SHC3: variants seen among roughly 807,000 people sequenced by gnomAD.
SHC3 encodes SHC adaptor protein 3.
Under a neutral mutation model 60.4 loss-of-function variants are expected in SHC3, and 15 were observed. The observed-to-expected ratio is 0.25, with a 90% CI of 0.17 to 0.38. SHC3 has a LOEUF of 0.38. Ranked by LOEUF, SHC3 falls within the 10% of genes least tolerant of loss-of-function variation. The pLI is 1.00. For missense variants in SHC3, 677 were observed against 786.1 expected, an observed-to-expected ratio of 0.86 and a Z score of 1.66; for synonymous variants, 294 against 325.9, an observed-to-expected ratio of 0.90 and a Z score of 1.05.
chr9:89,092,499 C>A (rs1031134189), intron 2 of SHC3, among the ~76,000 whole-genome samples: 1 of 151,670 alleles, frequency 6.6e-6, no homozygotes, highest in Admixed American at 6.6e-5. Context: ...CACCTGTAGT[C>A]CCAGCTACTC....
At chr9:89,172,992 T>A (rs372658598) in intron 1 of SHC3, among the ~76,000 whole-genome samples, 1 of 152,152 alleles carries the variant, frequency 6.6e-6, no homozygotes, top group South Asian at 2.1e-4. Flanking sequence ...CCTGGGCCCG[T>A]CTCTTCCAAT....
At chr9:89,068,636 T>C (rs990492537) in intron 5 of SHC3, among the ~76,000 whole-genome samples, 1 of 152,092 alleles carries the variant, frequency 6.6e-6, no homozygotes, top group African/African-American at 2.4e-5. Context: ...TGTGGATTAC[T>C]TTAAGGATTA....
At chr9:89,103,958 A>G (rs1825819060) in intron 2 of SHC3, among the ~76,000 whole-genome samples, 1 of 152,178 alleles carries the variant, frequency 6.6e-6, no homozygotes. Context: ...ACTCAGAGGA[A>G]AAGACAGAAA....
chr9:89,062,202 T>C (rs557349584), intron 6 of SHC3, among the ~76,000 whole-genome samples: 46 of 152,322 alleles, frequency 3.0e-4, no homozygotes, highest in African/African-American at 1.1e-3. Flanking sequence ...CACCCGGTAG[T>C]AATGAAAGTT....
chr9:89,113,023 C>T (rs868323219), intron 1 of SHC3, among the ~76,000 whole-genome samples: 9 of 151,948 alleles, frequency 5.9e-5, no homozygotes, highest in Admixed American at 4.6e-4. Context: ...TAGTCTTTTA[C>T]GAGGCTTCTA....
intron 11 of SHC3, among the ~76,000 whole-genome samples, chr9:89,031,251 A>G (rs909591534): frequency 6.6e-6 from 1 of 152,234 alleles, no homozygotes; most frequent in Non-Finnish European, 1.5e-5. Flanking sequence ...GATATAATCT[A>G]GACACCACAT....
intron 1 of SHC3, among the ~76,000 whole-genome samples, chr9:89,137,963 T>C (rs1183343825): frequency 6.6e-6 from 1 of 152,212 alleles, no homozygotes; most frequent in Non-Finnish European, 1.5e-5. Flanking sequence ...TCTGCAACTA[T>C]GAGTCTGTGC....
intron 1 of SHC3, among the ~76,000 whole-genome samples, chr9:89,132,208 T>C (rs1243169727): frequency 6.6e-6 from 1 of 152,176 alleles, no homozygotes; most frequent in Non-Finnish European, 1.5e-5. Context: ...ACAAGGTATG[T>C]GAAGGACCTC....
chr9:89,097,309 A>C (rs1587725200), intron 2 of SHC3, among the ~76,000 whole-genome samples: 4 of 152,324 alleles, frequency 2.6e-5, no homozygotes, highest in African/African-American at 9.6e-5. Flanking sequence ...TTCAAAAGGA[A>C]CTATAAGTTC....
intron 11 of SHC3, among the ~76,000 whole-genome samples, chr9:89,018,219 T>G (rs1277190993): frequency 1.3e-5 from 2 of 152,208 alleles, no homozygotes; most frequent in Non-Finnish European, 2.9e-5. Context: ...CTGTTCACAT[T>G]AGCAAAGACT....
At chr9:89,028,599 G>GTA (rs1240737964) in intron 11 of SHC3, among the ~76,000 whole-genome samples, 2 of 138,360 alleles carry the variant, frequency 1.4e-5, no homozygotes, top group South Asian at 2.2e-4. Flanking sequence ...ATGTTTATGT[G>GTA]TATATATATG....
At chr9:89,131,375 A>G (rs1160148654) in intron 1 of SHC3, among the ~76,000 whole-genome samples, 1 of 152,222 alleles carries the variant, frequency 6.6e-6, no homozygotes, top group Non-Finnish European at 1.5e-5. Context: ...TCCAATCAAT[A>G]GAAAAAGAGA....
rs149287671 is a variant in SHC3 at position 89,076,234 on chromosome 9, G to A, written c.610-1006C>T. 1.2e-4 allele frequency among the ~76,000 whole-genome samples: 19 copies of A among 152,184 alleles called. 1 individual carries two copies. In the East Asian group the frequency reaches 3.3e-3, roughly 26 times the overall value. On this transcript the variant is annotated intron_variant, in intron 3 of 11. Coordinates refer to ENST00000375835, the MANE Select transcript of SHC3 (RefSeq NM_016848.6). ...TAGTGGAGACTCTGGAGCCTTACTT[G>A]GTTCCCCATGGACTGGCCAGAACAT...
rs76000904 is a variant in SHC3, at chr9:89,126,758, T to C, written c.475-14132A>G. Among the ~76,000 whole-genome samples the C allele has an allele frequency of 3.8e-3, 575 of 152,302 alleles. 6 individuals are homozygous for C. The highest frequency in any genetic ancestry group is 0.013 in the African/African-American group (557 of 41,564). On this transcript the variant is annotated intron_variant, in intron 1 of 11. Coordinates refer to ENST00000375835, the MANE Select transcript of SHC3 (RefSeq NM_016848.6). ...GTTTATCTCTTCTGTAAAGTTTTGA[T>C]TCATTGGAAAAAGGATTTGCAAGGC... is the stretch of plus-strand genomic sequence containing the variant.
Position 89,065,594 on chromosome 9 carries a change from A to T in SHC3, c.784-14T>A. ...GTCAGTTGTGTCCTGTTAAAGAAAA[A>T]AGAGATGTCTATGTCACTAATCACA... On this transcript the variant is annotated splice_polypyrimidine_tract_variant and intron_variant, in intron 5 of 11. Coordinates refer to ENST00000375835, the MANE Select transcript of SHC3 (RefSeq NM_016848.6). The T allele has an allele frequency of 1.2e-6, 2 of 1,613,936 alleles. No homozygotes were observed. Among genetic ancestry groups the T allele is most frequent in the Non-Finnish European group, 1.7e-6 (2 of 1,179,934 alleles).
At chr9:89,100,424 G>A (rs76059914) in intron 2 of SHC3, among the ~76,000 whole-genome samples, 117 of 152,180 alleles carry the variant, frequency 7.7e-4, no homozygotes, top group African/African-American at 2.7e-3. Flanking sequence ...TTTTTGCAAA[G>A]ATAGGGGTCT....
chr9:89,124,830 T>A (rs905625299), intron 1 of SHC3, among the ~76,000 whole-genome samples: 3 of 151,350 alleles, frequency 2.0e-5, no homozygotes, highest in Non-Finnish European at 4.4e-5. Context: ...ATTCAGCACA[T>A]GTATCCCAGA....
At chr9:89,046,201 TC>T (rs1188473998) in intron 8 of SHC3, among the ~76,000 whole-genome samples, 1 of 151,398 alleles carries the variant, frequency 6.6e-6, no homozygotes, top group Non-Finnish European at 1.5e-5. Context: ...ACGCCCATGA[TC>T]GTTCACACTT....
At chr9:89,156,178 A>G (rs1165355650) in intron 1 of SHC3, among the ~76,000 whole-genome samples, 5 of 152,126 alleles carry the variant, frequency 3.3e-5, no homozygotes, top group African/African-American at 4.8e-5. Context: ...AGCCATCCAC[A>G]ATGTCATATG....
Sources: allele counts gnomAD v4.1 joint callset (sites outside exome capture counted in the v4.1 genomes callset), GRCh38; gene constraint gnomAD v4.1.1; transcripts MANE v1.5; gene names NCBI Gene and HGNC (gene_info 2026-07-23, HGNC 2026-07-21).